The following CABYR variants were observed in gnomAD, a reference collection of about 807,000 sequenced individuals.
The protein encoded by CABYR is calcium binding tyrosine phosphorylation regulated, also known as calcium-binding tyrosine phosphorylation-regulated protein.
In CABYR, 31 loss-of-function variants were observed where a neutral mutation model predicts 36.1. That is an observed-to-expected ratio of 0.86 (90% CI 0.64 to 1.16). The LOEUF is 1.16. Among genes scored for constraint, CABYR ranks in the 50% most tolerant of loss-of-function variants. The probability of loss-of-function intolerance (pLI) is 0.00; values close to 1 mark genes in which losing one functional copy is unlikely to be tolerated. For missense variants in CABYR, 429 were observed against 455.8 expected, an observed-to-expected ratio of 0.94 and a Z score of 0.53; for synonymous variants, 146 against 160.7, an observed-to-expected ratio of 0.91 and a Z score of 0.69.
At chr18:24,141,957 A>G (rs2085332155) in intron 1 of CABYR, among the ~76,000 whole-genome samples, 2 of 151,960 alleles carry the variant, frequency 1.3e-5, no homozygotes, top group South Asian at 2.1e-4. Context: ...TTAATGTTAA[A>G]AACAAAGTTA....
chr18:24,140,526 A>G (rs2085289962), intron 1 of CABYR, among the ~76,000 whole-genome samples: 1 of 151,892 alleles, frequency 6.6e-6, no homozygotes, highest in African/African-American at 2.4e-5. Context: ...TGGGGCATCT[A>G]TCCCCTCAAA....
At chr18:24,146,199 T>C (rs1026606862) in intron 3 of CABYR, among the ~76,000 whole-genome samples, 6 of 152,016 alleles carry the variant, frequency 3.9e-5, no homozygotes, top group Non-Finnish European at 8.8e-5. Context: ...TTTGAAAAGA[T>C]GGAAAATAGA....
At position 24,159,585 on chromosome 18, in the gene CABYR, C is replaced by G. The variant is rs535304176; in HGVS notation, c.655C>G (p.Pro219Ala). The stretch of plus-strand genomic sequence containing the variant: ...CCCATCACCGCCACCTGCACCTGGG[C>G]CTTTTCCCCAAGCAACCCTCTATTT... ...GHPSPPPAPGPFPQATLYLPN... is the reference protein window; with the variant it reads ...GHPSPPPAPGAFPQATLYLPN... The change falls in exon 5 of 6, where the codon CCT becomes GCT. Residue 219 changes from proline to alanine, a missense_variant. Transcript: ENST00000399496. 1 of 1,614,046 alleles carries G rather than the reference C, an allele frequency of 6.2e-7. No homozygotes were observed.
At chr18:24,148,438 C>T (rs1207630045) in intron 3 of CABYR, 1 of 152,182 alleles carries the variant, frequency 6.6e-6, no homozygotes, top group East Asian at 1.9e-4. Flanking sequence ...TCTGCTATTC[C>T]ACCCACCCTG....
At position 24,159,654 on chromosome 18, in the gene CABYR, G is replaced by A. The variant is rs754872819; in HGVS notation, c.724G>A (p.Val242Ile). The A allele has an allele frequency of 1.1e-5, 17 of 1,613,890 alleles. No individual in the cohort carries two copies. In the Middle Eastern group the frequency reaches 4.9e-4, roughly 47 times the overall value. ...DPQFQQHPPK[V>I]TFPTYVMGDT... ...ACAGTTTCAGCAGCATCCACCAAAA[G>A]TCACTTTTCCAACTTATGTGATGGG... is the stretch of plus-strand genomic sequence containing the variant. The change falls in exon 5 of 6, where the codon GTC becomes ATC. Residue 242 changes from valine to isoleucine, a missense_variant. Coordinates refer to ENST00000399496, the MANE Select transcript of CABYR (RefSeq NM_153769.3).
chr18:24,155,549 T>C, intron 3 of CABYR, 152 bp from the exon 4 acceptor site: 1 of 600,872 alleles, frequency 1.7e-6, no homozygotes, highest in Non-Finnish European at 2.8e-6. Context: ...CTTGAACTCC[T>C]GGGCTCAAGC....
Position 24,156,115 on chromosome 18 carries a change from T to C in CABYR, c.541+73T>C. ...GATGTGGCAACCAGTATGCCTGTTG[T>C]TATCAAGGAGGTGCCAAGCTCAGAG... On this transcript the variant is annotated intron_variant, in intron 4 of 5. Coordinates refer to ENST00000399496, the MANE Select transcript of CABYR (RefSeq NM_153769.3). 1 of 1,614,174 alleles carries C rather than the reference T, an allele frequency of 6.2e-7. No homozygotes were observed. The highest frequency in any genetic ancestry group is 8.5e-7 in the Non-Finnish European group (1 of 1,180,028).
intron 3 of CABYR, among the ~76,000 whole-genome samples, chr18:24,154,128 A>AAAG (rs2085710923): frequency 6.8e-6 from 1 of 147,848 alleles, no homozygotes; most frequent in East Asian, 2.0e-4. Flanking sequence ...AAAAAAAAAA[A>AAAG]TTTTTCCCCT....
chr18:24,157,047 C>T, intron 4 of CABYR: 1 of 1,434,614 alleles, frequency 7.0e-7, no homozygotes. Context: ...CAGGTGACAT[C>T]TGTATTTCAG....
rs2085366043 is a variant in CABYR at position 24,143,073 on chromosome 18, A to T, written c.-24-18A>T. 1 of 1,521,982 alleles carries T rather than the reference A, an allele frequency of 6.6e-7. No individual in the cohort carries two copies. Among genetic ancestry groups the T allele is most frequent in the South Asian group, 1.3e-5 (1 of 78,824 alleles). The allele number at this position is 1,521,982 out of a possible 1,614,324, so 94.3% of individuals were successfully genotyped here. A position where few individuals can be genotyped will look rare whatever the true frequency, so the allele number is the denominator to read the frequency against. On this transcript the variant is annotated intron_variant, in intron 1 of 5. Transcript: ENST00000399496. ...TTTAGTAAAACTAATTACTTCTAAG[A>T]CTTTTTCTTCATTCTAGTTGAGTTA...
At chr18:24,140,637 A>G (rs1040659367) in intron 1 of CABYR, among the ~76,000 whole-genome samples, 4 of 152,166 alleles carry the variant, frequency 2.6e-5, no homozygotes, top group Admixed American at 2.6e-4. Context: ...TTCAAGTAGT[A>G]GGTTTTATTC....
At position 24,156,194 on chromosome 18, in the gene CABYR, A is replaced by G. The variant is rs141540778; in HGVS notation, c.541+152A>G. 1.1e-5 allele frequency: 18 copies of G among 1,614,056 alleles called. No homozygotes were observed. The African/African-American group carries it at 2.0e-4, about 18-fold the overall frequency. The stretch of plus-strand genomic sequence containing the variant: ...CTCTTGTGTGTTCTGGAAAGGTGCT[A>G]GAAGTGCAGGTTGTGAACCAAACAT... On this transcript the variant is annotated intron_variant, in intron 4 of 5. Transcript: ENST00000399496.
chr18:24,143,723 A>G (rs1361803256), intron 3 of CABYR, among the ~76,000 whole-genome samples: 1 of 151,974 alleles, frequency 6.6e-6, no homozygotes, highest in East Asian at 1.9e-4. Flanking sequence ...TTTGATAGTG[A>G]TGGGGTCTTG....
rs886641335 is a variant in CABYR at position 24,159,865 on chromosome 18, C to T, written c.935C>T (p.Pro312Leu). ...DEKYQKHTLSPQNANPPSGQD... is the reference protein window; with the variant it reads ...DEKYQKHTLSLQNANPPSGQD... Reference sequence around the variant, plus strand: ...AAATACCAGAAACATACCCTAAGTCCCCAGAATGCTAATCCTCCAAGTGGA... The same window carrying T: ...AAATACCAGAAACATACCCTAAGTCTCCAGAATGCTAATCCTCCAAGTGGA... Residue 312 changes from proline to leucine, a missense_variant, in exon 5 of 6, where the codon CCC (proline) becomes CTC (leucine). Transcript: ENST00000399496. 3.7e-6 allele frequency: 6 copies of T among 1,614,004 alleles called. No homozygotes were observed. In the African/African-American group the frequency reaches 6.7e-5, roughly 18 times the overall value.
At chr18:24,143,318 T>C in intron 2 of CABYR, 42 bp from the exon 3 acceptor site, 1 of 1,596,916 alleles carries the variant, frequency 6.3e-7, no homozygotes, top group Non-Finnish European at 8.6e-7. Context: ...AAGTTAGGAA[T>C]TTCATGTATC....
At chr18:24,156,201 C>A in intron 4 of CABYR, 159 bp downstream of exon 4, 2 of 1,614,126 alleles carry the variant, frequency 1.2e-6, no homozygotes, top group Non-Finnish European at 1.7e-6. Flanking sequence ...GCTAGAAGTG[C>A]AGGTTGTGAA....
At chr18:24,146,542 G>A (rs1240968213) in intron 3 of CABYR, among the ~76,000 whole-genome samples, 1 of 147,186 alleles carries the variant, frequency 6.8e-6, no homozygotes, top group Non-Finnish European at 1.5e-5. Context: ...GAGCAAGACT[G>A]TCTAAAAAAA....
intron 1 of CABYR, among the ~76,000 whole-genome samples, chr18:24,141,875 A>C (rs964596728): frequency 6.6e-6 from 1 of 152,150 alleles, no homozygotes; most frequent in Non-Finnish European, 1.5e-5. Context: ...GGTAAGGGAG[A>C]TATGAGAAAC....
Position 24,160,006 on chromosome 18 carries a change from G to C in CABYR, c.1076G>C (p.Gly359Ala). Residue 359 changes from glycine to alanine, a missense_variant, in exon 5 of 6, where the codon GGT becomes GCT. Transcript: ENST00000399496. ...GDKCAPFGSYGIAGEVTVTTA... is the reference protein window; with the variant it reads ...GDKCAPFGSYAIAGEVTVTTA... ...AAATGTGCTCCCTTTGGAAGTTACG[G>C]TATTGCTGGGGAGGTAACCGTGACT... The C allele has an allele frequency of 6.2e-7, 1 of 1,614,162 alleles. No individual in the cohort carries two copies. The highest frequency in any genetic ancestry group is 8.5e-7 in the Non-Finnish European group (1 of 1,180,030).
Sources: allele counts gnomAD v4.1 joint callset (sites outside exome capture counted in the v4.1 genomes callset), GRCh38; gene constraint gnomAD v4.1.1; transcripts MANE v1.5; gene names NCBI Gene and HGNC (gene_info 2026-07-23, HGNC 2026-07-21).